Variants in MAP3K1 observed in about 807,000 individuals in gnomAD.
MAP3K1 encodes MAP/ERK kinase kinase 1.
Under a neutral mutation model 144.2 loss-of-function variants are expected in MAP3K1, and 36 were observed. The ratio of observed to expected loss-of-function variants is 0.25; its 90% CI spans 0.19 to 0.33. The LOEUF is 0.33. Among genes scored for constraint, MAP3K1 ranks in the 10% least tolerant of loss-of-function variants. The probability of loss-of-function intolerance (pLI) is 1.00; values close to 1 mark genes in which losing one functional copy is unlikely to be tolerated. For missense variants in MAP3K1, 1,650 were observed against 1,881.9 expected (o/e 0.88, Z 2.28); for synonymous variants, 718 against 688.7 (o/e 1.04, Z -0.67).
At chr5:56,878,227 C>T (rs1238097533) in intron 10 of MAP3K1, among the ~76,000 whole-genome samples, 1 of 152,092 alleles carries the variant, frequency 6.6e-6, no homozygotes, top group Non-Finnish European at 1.5e-5. Context: ...TTGCCTATAG[C>T]AGTTATTACT....
chr5:56,869,981 C>T (rs962668526), intron 6 of MAP3K1, among the ~76,000 whole-genome samples: 1 of 152,152 alleles, frequency 6.6e-6, no homozygotes, highest in Non-Finnish European at 1.5e-5. Context: ...CGCATTATGA[C>T]TTTGCTGACT....
rs765452891 is a variant in MAP3K1, at chr5:56,884,763, A to G, written c.3919A>G (p.Ile1307Val). 1 of 1,611,612 alleles carries G rather than the reference A, an allele frequency of 6.2e-7. No individual in the cohort carries two copies. Residue 1307 changes from isoleucine to valine, a missense_variant, in exon 16 of 20, where the codon ATT (isoleucine) becomes GTT (valine). Physicochemically the swap from Ile to Val is conservative, Grantham distance 29. This residue lies in a region of MAP3K1 where 165 missense variants were observed against 322.9 expected (regional missense o/e 0.51). Transcript: ENST00000399503. ...MMSHLNHPNI[I>V]RMLGATCEKS... ...GAGCCATCTGAATCATCCAAACATC[A>G]TTAGGATGTTGGGAGCCACGTGTGA...
In MAP3K1 at chr5:56,815,868, G is replaced by T; in HGVS notation, c.295G>T (p.Ala99Ser). The T allele has an allele frequency of 7.2e-7, 1 of 1,391,640 alleles. No individual in the cohort carries two copies. The highest frequency in any genetic ancestry group is 9.4e-7 in the Non-Finnish European group (1 of 1,068,310). The allele number at this position is 1,391,640 out of a possible 1,614,324, so 86.2% of individuals were successfully genotyped here. Residue 99 changes from alanine (A) to serine (S), a missense_variant, in exon 1 of 20, where the codon GCG (alanine) becomes TCG (serine). By Grantham distance (99) the Ala-to-Ser change is moderately conservative. Coordinates refer to ENST00000399503, the MANE Select transcript of MAP3K1 (RefSeq NM_005921.2). ...CCCGTCGCCGGAGCCCGCGGACGCA[G>T]CGGGGAGTGGGACCGGCTTCCAGCC... is the stretch of plus-strand genomic sequence containing the variant. ...TSPSPEPADA[A>S]GSGTGFQPVA... is the part of the protein sequence containing the mutation.
At chr5:56,866,332 C>G (rs1020031989) in intron 6 of MAP3K1, among the ~76,000 whole-genome samples, 2 of 152,052 alleles carry the variant, frequency 1.3e-5, no homozygotes, top group African/African-American at 2.4e-5. Flanking sequence ...CGCTTGAACC[C>G]AGGAGTTCAA....
intron 1 of MAP3K1, chr5:56,817,201 C>A: frequency 3.8e-6 from 2 of 525,126 alleles, no homozygotes; most frequent in Non-Finnish European, 4.9e-6. Context: ...TTAAGTGTGA[C>A]AGCTACATCC....
rs562712553 is a variant in MAP3K1 at position 56,875,275 on chromosome 5, G to A, written c.1930G>A (p.Ala644Thr). 2 of 1,614,112 alleles carry A rather than the reference G, an allele frequency of 1.2e-6. No homozygotes were observed. Among genetic ancestry groups the A allele is most frequent in the African/African-American group, 1.3e-5 (1 of 75,054 alleles). Residue 644 changes from alanine (A) to threonine (T), a missense_variant, in exon 10 of 20, where the codon GCT becomes ACT. Physicochemically the swap from Ala to Thr is moderately conservative, Grantham distance 58. This residue lies in a region of MAP3K1 where 841 missense variants were observed against 886.5 expected (regional missense o/e 0.95). Coordinates refer to ENST00000399503, the MANE Select transcript of MAP3K1 (RefSeq NM_005921.2). Reference protein sequence around the residue: ...ACCSVLSMVCADPVYKVYVAA... With the variant: ...ACCSVLSMVCTDPVYKVYVAA... ...CTGCAGCGTTCTGTCAATGGTCTGT[G>A]CTGACCCTGTCTACAAAGTGTACGT... is the stretch of plus-strand genomic sequence containing the variant.
In MAP3K1 at chr5:56,818,098, C is replaced by T. The variant is rs889387162; in HGVS notation, c.482+2043C>T. Reference sequence around the variant, plus strand: ...CTGTTGGTTTATCCCAAATGTCATACGTAAAGATTTCATTTATAGTAAAAT... The same window carrying T: ...CTGTTGGTTTATCCCAAATGTCATATGTAAAGATTTCATTTATAGTAAAAT... On this transcript the variant is annotated intron_variant, in intron 1 of 19. Coordinates refer to ENST00000399503, the MANE Select transcript of MAP3K1 (RefSeq NM_005921.2). Among the ~76,000 whole-genome samples, 4 of 151,958 alleles carry T rather than the reference C, an allele frequency of 2.6e-5. No homozygotes were observed. The East Asian group carries it at 5.8e-4, about 22-fold the overall frequency.
At chr5:56,859,491 G>A (rs1025354180) in intron 2 of MAP3K1, among the ~76,000 whole-genome samples, 3 of 152,034 alleles carry the variant, frequency 2.0e-5, no homozygotes, top group Admixed American at 2.0e-4. Context: ...AGGAGGTTGC[G>A]TTTTAACTAG....
intron 1 of MAP3K1, among the ~76,000 whole-genome samples, chr5:56,828,470 G>C (rs961191829): frequency 3.9e-5 from 6 of 152,108 alleles, no homozygotes; most frequent in African/African-American, 1.4e-4. Context: ...TTTGAACTTA[G>C]AAACTCTTGG....
intron 1 of MAP3K1, chr5:56,852,043 T>C (rs567922663): frequency 1.3e-5 from 2 of 151,564 alleles, no homozygotes; most frequent in Non-Finnish European, 2.9e-5. Context: ...AAATTCTTCA[T>C]TGAAGCCATA....
chr5:56,872,568 A>G, intron 7 of MAP3K1, 73 bp from the exon 8 acceptor site: 1 of 877,642 alleles, frequency 1.1e-6, no homozygotes, highest in Non-Finnish European at 1.9e-6. Context: ...TTCTATAATT[A>G]TAAACAGTTA....
rs145035839 is a variant in MAP3K1 at position 56,821,166 on chromosome 5, C to T, written c.482+5111C>T. Among the ~76,000 whole-genome samples, 5 of 152,274 alleles carry T rather than the reference C, an allele frequency of 3.3e-5. No homozygotes were observed. The East Asian group carries it at 9.6e-4, about 29-fold the overall frequency. ...AGCCTTGTCTTTATTTACTCTATGG[C>T]ATGTCATTGGTGATTGAGTTATGTT... is the stretch of plus-strand genomic sequence containing the variant. On this transcript the variant is annotated intron_variant, in intron 1 of 19. Transcript: ENST00000399503.
intron 19 of MAP3K1, among the ~76,000 whole-genome samples, chr5:56,892,927 A>AT (rs1160198128): frequency 1.3e-5 from 2 of 151,954 alleles, no homozygotes; most frequent in East Asian, 1.9e-4. Flanking sequence ...CAGATTTTGA[A>AT]TTTTTTTAGA....
chr5:56,886,712 A>G (rs1419463211), intron 17 of MAP3K1, among the ~76,000 whole-genome samples: 1 of 152,088 alleles, frequency 6.6e-6, no homozygotes, highest in Non-Finnish European at 1.5e-5. Context: ...GATATCATCA[A>G]CTTCTTTTAA....
At chr5:56,863,717 C>T (rs537297071) in intron 3 of MAP3K1, among the ~76,000 whole-genome samples, 1 of 152,276 alleles carries the variant, frequency 6.6e-6, no homozygotes, top group South Asian at 2.1e-4. Context: ...TACTGTTTTC[C>T]AAACCAGCTG....
intron 1 of MAP3K1, among the ~76,000 whole-genome samples, chr5:56,854,412 A>G (rs536242681): frequency 1.6e-4 from 23 of 148,216 alleles, no homozygotes; most frequent in Non-Finnish European, 3.0e-4. Context: ...AGTCTGGGCA[A>G]CAAGAGCTAA....
intron 6 of MAP3K1, among the ~76,000 whole-genome samples, chr5:56,869,995 TTGAC>T (rs974157491): frequency 5.9e-5 from 9 of 152,182 alleles, no homozygotes; most frequent in African/African-American, 2.2e-4. Context: ...GCTGACTTGT[TTGAC>T]TAGCTTTTTG....
Position 56,882,039 on chromosome 5 carries a change from A to G in MAP3K1, c.2839A>G (p.Thr947Ala), listed in dbSNP as rs977388871. 1.4e-5 allele frequency: 22 copies of G among 1,613,936 alleles called. No homozygotes were observed. Among genetic ancestry groups the G allele is most frequent in the Non-Finnish European group, 1.9e-5 (22 of 1,179,884 alleles). ...GPSSSTTTTT[T>A]TTEQPKPMVQ... ...TTCTAGTTCAACAACAACAACAACA[A>G]CAACAACAGAGCAACCAAAGCCAAT... Residue 947 changes from threonine to alanine, a missense_variant, in exon 14 of 20, where the codon ACA (threonine) becomes GCA (alanine). Around this residue, in one of 6 missense-constraint regions of MAP3K1, gnomAD observed 841 missense variants for 886.5 expected, o/e 0.95. Coordinates refer to ENST00000399503, the MANE Select transcript of MAP3K1 (RefSeq NM_005921.2).
intron 1 of MAP3K1, among the ~76,000 whole-genome samples, chr5:56,853,913 A>G (rs753234209): frequency 6.6e-6 from 1 of 152,128 alleles, no homozygotes; most frequent in Non-Finnish European, 1.5e-5. Context: ...GAACCACTAG[A>G]GCATTTTAAT....
Sources: gnomAD v4.1 joint callset for allele counts (sites outside exome capture counted in the v4.1 genomes callset) on GRCh38, gnomAD v4.1.1 for gene constraint, gnomAD v4.1.1 regional missense constraint, MANE v1.5 for transcripts, NCBI Gene and HGNC (gene_info 2026-07-23, HGNC 2026-07-21) for gene names.